PXDNL: variants seen among roughly 807,000 people sequenced by gnomAD.
PXDNL encodes peroxidasin like.
PXDNL carries 145 observed loss-of-function variants against 150.8 expected under a neutral mutation model. The ratio of observed to expected loss-of-function variants is 0.96; its 90% CI spans 0.84 to 1.10. The LOEUF is 1.10. Among genes scored for constraint, PXDNL ranks in the 50% least tolerant of loss-of-function variants. PXDNL has a pLI of 0.00. For synonymous variants in PXDNL, 757 were observed against 725.7 expected (o/e 1.04, Z -0.69); for missense variants, 2,087 against 1,873.9 (o/e 1.11, Z -2.10).
At chr8:51,468,033 G>T (rs1229670435) in intron 8 of PXDNL, among the ~76,000 whole-genome samples, 1 of 151,958 alleles carries the variant, frequency 6.6e-6, no homozygotes, top group Non-Finnish European at 1.5e-5. Flanking sequence ...AAAAGAAAGG[G>T]ATTTTTATGA....
At chr8:51,491,446 C>T (rs1425016464) in intron 5 of PXDNL, among the ~76,000 whole-genome samples, 1 of 152,158 alleles carries the variant, frequency 6.6e-6, no homozygotes, top group Non-Finnish European at 1.5e-5. Context: ...TATCACATGT[C>T]TGTACTACAA....
chr8:51,803,498 C>T (rs1004543493), intron 1 of PXDNL, among the ~76,000 whole-genome samples: 11 of 152,140 alleles, frequency 7.2e-5, no homozygotes, highest in Non-Finnish European at 1.3e-4. Context: ...TCTGCCACCT[C>T]GAGCTCTGAC....
chr8:51,431,520 T>C (rs573582285), intron 12 of PXDNL, among the ~76,000 whole-genome samples: 29 of 152,354 alleles, frequency 1.9e-4, no homozygotes, highest in African/African-American at 7.0e-4. Context: ...AATGCACCTT[T>C]TTGTGGCTTT....
intron 21 of PXDNL, among the ~76,000 whole-genome samples, chr8:51,332,491 G>C (rs11780044): frequency 0.043 from 6,488 of 151,732 alleles, 293 homozygotes; most frequent in African/African-American, 0.11. Context: ...CCTGACTTAC[G>C]AGAAAAAGAA....
chr8:51,724,026 A>G (rs1489198199), intron 1 of PXDNL, among the ~76,000 whole-genome samples: 2 of 147,714 alleles, frequency 1.4e-5, no homozygotes, highest in African/African-American at 4.9e-5. Context: ...CAGAAAAGGA[A>G]AGAGGGAGGC....
intron 17 of PXDNL, among the ~76,000 whole-genome samples, chr8:51,404,165 AC>A (rs1388821325): frequency 6.6e-6 from 1 of 152,224 alleles, no homozygotes; most frequent in Non-Finnish European, 1.5e-5. Flanking sequence ...GGCAGTGTGA[AC>A]CCAAAGAGTA....
chr8:51,510,618 TA>T (rs1811392583), intron 4 of PXDNL, among the ~76,000 whole-genome samples: 1 of 152,130 alleles, frequency 6.6e-6, no homozygotes, highest in Non-Finnish European at 1.5e-5. Flanking sequence ...TTAGATGAGA[TA>T]AAACCGTCCC....
chr8:51,436,307 G>A (rs1290509449), intron 12 of PXDNL: 3 of 477,308 alleles, frequency 6.3e-6, no homozygotes, highest in African/African-American at 4.0e-5. Context: ...ATAGGACCTT[G>A]TTTTGTCTTA....
chr8:51,380,237 G>T (rs1807492100), intron 17 of PXDNL, among the ~76,000 whole-genome samples: 1 of 152,190 alleles, frequency 6.6e-6, no homozygotes, highest in Admixed American at 6.5e-5. Context: ...CAAGCTGCAG[G>T]TTGGACAAGT....
intron 12 of PXDNL, 33 bp downstream of exon 12, chr8:51,446,971 C>T (rs1809690460): frequency 6.2e-7 from 1 of 1,608,320 alleles, no homozygotes; most frequent in African/African-American, 1.3e-5. Context: ...AGGCACACTT[C>T]AGAATGTGAA....
chr8:51,767,411 G>C (rs1252111402), intron 1 of PXDNL, among the ~76,000 whole-genome samples: 1 of 152,012 alleles, frequency 6.6e-6, no homozygotes, highest in South Asian at 2.1e-4. Flanking sequence ...GTTTTGTAAA[G>C]TCTGTATTCT....
chr8:51,807,409 C>T (rs756630502), intron 1 of PXDNL, among the ~76,000 whole-genome samples: 31 of 152,138 alleles, frequency 2.0e-4, no homozygotes, highest in African/African-American at 9.7e-5. Context: ...CATGAGAATC[C>T]GCCCCCACTA....
intron 8 of PXDNL, among the ~76,000 whole-genome samples, chr8:51,464,692 G>T (rs1897317): frequency 0.21 from 31,216 of 151,924 alleles, 4,316 homozygotes; most frequent in African/African-American, 0.39. Context: ...CACAGGGAGG[G>T]TAACATCACA....
intron 4 of PXDNL, among the ~76,000 whole-genome samples, chr8:51,518,247 CCTA>C: frequency 6.6e-6 from 1 of 152,292 alleles, no homozygotes; most frequent in East Asian, 1.9e-4. Context: ...TTCCAACTGG[CCTA>C]TAAGAGCTCC....
At chr8:51,358,776 G>C (rs1484259698) in intron 19 of PXDNL, among the ~76,000 whole-genome samples, 1 of 152,152 alleles carries the variant, frequency 6.6e-6, no homozygotes, top group Non-Finnish European at 1.5e-5. Flanking sequence ...CCAGGGGACA[G>C]GCCTCCCCTG....
intron 9 of PXDNL, 121 bp from the exon 10 acceptor site, chr8:51,453,906 C>CATATATAT: frequency 3.7e-6 from 3 of 817,774 alleles, no homozygotes; most frequent in Non-Finnish European, 3.7e-6. Flanking sequence ...TAAAATATTA[C>CATATATAT]ACATATATAT....
At chr8:51,731,656 C>T (rs77928096) in intron 1 of PXDNL, among the ~76,000 whole-genome samples, 149 of 152,374 alleles carry the variant, frequency 9.8e-4, no homozygotes, top group African/African-American at 3.6e-3. Context: ...CTGCAGCACA[C>T]CTATGCCTGG....
chr8:51,690,820 C>T (rs1345934227), intron 1 of PXDNL, among the ~76,000 whole-genome samples: 1 of 152,048 alleles, frequency 6.6e-6, no homozygotes, highest in East Asian at 1.9e-4. Context: ...TCCACATCCT[C>T]TCTAGCACCT....
chr8:51,582,283 G>A (rs1813226802), intron 3 of PXDNL, among the ~76,000 whole-genome samples: 1 of 152,078 alleles, frequency 6.6e-6, no homozygotes, highest in South Asian at 2.1e-4. Flanking sequence ...ACTTGACTAT[G>A]CTAGCACTCT....
Sources: gnomAD v4.1 joint callset for allele counts (sites outside exome capture counted in the v4.1 genomes callset) on GRCh38, gnomAD v4.1.1 for gene constraint, MANE v1.5 for transcripts, NCBI Gene and HGNC (gene_info 2026-07-23, HGNC 2026-07-21) for gene names.